Variants in CSNK1G1 observed in about 807,000 individuals in gnomAD.
CSNK1G1 encodes the protein casein kinase I isoform gamma-1.
A neutral mutation model predicts 59.6 loss-of-function variants in CSNK1G1; 22 were observed. That is an observed-to-expected ratio of 0.37 (90% CI 0.26 to 0.53). The LOEUF (loss-of-function observed/expected upper bound fraction) is 0.53. Among genes scored for constraint, CSNK1G1 ranks in the 20% least tolerant of loss-of-function variants. CSNK1G1 has a pLI of 0.89. For missense variants in CSNK1G1, 384 were observed against 519.5 expected, an observed-to-expected ratio of 0.74 and a Z score of 2.54; for synonymous variants, 179 against 177.1, an observed-to-expected ratio of 1.01 and a Z score of -0.08.
At chr15:64,235,082 C>G (rs1487393839) in intron 4 of CSNK1G1, among the ~76,000 whole-genome samples, 3 of 152,076 alleles carry the variant, frequency 2.0e-5, no homozygotes, top group African/African-American at 4.8e-5. Flanking sequence ...AAAAAAGTGT[C>G]AGAGACAAGA....
At chr15:64,347,618 A>C (rs1314174359) in intron 1 of CSNK1G1, among the ~76,000 whole-genome samples, 1 of 150,726 alleles carries the variant, frequency 6.6e-6, no homozygotes, top group East Asian at 1.9e-4. Flanking sequence ...CAAGGAAAGA[A>C]GGAAGGAAGG....
chr15:64,212,645 G>C (rs2082262675), intron 6 of CSNK1G1, among the ~76,000 whole-genome samples: 1 of 152,184 alleles, frequency 6.6e-6, no homozygotes, highest in African/African-American at 2.4e-5. Context: ...GGTGACTGAG[G>C]TTATAGTGAG....
intron 4 of CSNK1G1, among the ~76,000 whole-genome samples, chr15:64,235,379 C>A (rs933780659): frequency 2.0e-5 from 3 of 152,120 alleles, no homozygotes; most frequent in Non-Finnish European, 1.5e-5. Flanking sequence ...ACTGGAAAAG[C>A]ACCCAAACAT....
chr15:64,286,772 T>C (rs1252290914), intron 2 of CSNK1G1, among the ~76,000 whole-genome samples: 1 of 152,156 alleles, frequency 6.6e-6, no homozygotes, highest in Non-Finnish European at 1.5e-5. Context: ...TATAACATCC[T>C]CCACTTTGAT....
chr15:64,190,922 T>C (rs146676640), intron 10 of CSNK1G1, among the ~76,000 whole-genome samples: 1,887 of 152,330 alleles, frequency 0.012, 28 homozygotes, highest in African/African-American at 0.044. Context: ...TAAACTATTA[T>C]ACAGTACTGT....
At chr15:64,260,358 G>A (rs554416588) in intron 2 of CSNK1G1, among the ~76,000 whole-genome samples, 1 of 151,798 alleles carries the variant, frequency 6.6e-6, no homozygotes, top group African/African-American at 2.4e-5. Flanking sequence ...GTAATACATA[G>A]CGGAATATAT....
intron 1 of CSNK1G1, among the ~76,000 whole-genome samples, chr15:64,324,277 G>T (rs1896723774): frequency 6.6e-6 from 1 of 152,128 alleles, no homozygotes; most frequent in South Asian, 2.1e-4. Context: ...AATGTTCCTG[G>T]GTGTTTCTGT....
At chr15:64,318,588 C>G (rs563935199) in intron 1 of CSNK1G1, among the ~76,000 whole-genome samples, 137 of 151,066 alleles carry the variant, frequency 9.1e-4, no homozygotes, top group Non-Finnish European at 1.3e-3. Context: ...ACTCTGTTGC[C>G]CAGGCTGGAG....
At chr15:64,305,942 TAAAG>T (rs940461058) in intron 1 of CSNK1G1, among the ~76,000 whole-genome samples, 1 of 151,912 alleles carries the variant, frequency 6.6e-6, no homozygotes, top group African/African-American at 2.4e-5. Flanking sequence ...TATTTGCAAA[TAAAG>T]AAAAATAATC....
chr15:64,202,786 C>T (rs975918219), intron 10 of CSNK1G1, among the ~76,000 whole-genome samples: 1 of 152,088 alleles, frequency 6.6e-6, no homozygotes, highest in Non-Finnish European at 1.5e-5. Context: ...ACTCCTGGCT[C>T]AAGTGATCTA....
intron 2 of CSNK1G1, among the ~76,000 whole-genome samples, chr15:64,274,190 T>C (rs1481580740): frequency 3.3e-5 from 5 of 152,224 alleles, no homozygotes; most frequent in African/African-American, 7.2e-5. Context: ...ATAAGTCTCC[T>C]GAGCTAAGCA....
intron 1 of CSNK1G1, among the ~76,000 whole-genome samples, chr15:64,323,570 G>T (rs1896681501): frequency 6.6e-6 from 1 of 151,876 alleles, no homozygotes; most frequent in Admixed American, 6.6e-5. Flanking sequence ...TCTCCATGTT[G>T]GTCAGGCTGG....
At chr15:64,354,058 C>A (rs1898491456) in intron 1 of CSNK1G1, among the ~76,000 whole-genome samples, 1 of 152,150 alleles carries the variant, frequency 6.6e-6, no homozygotes, top group African/African-American at 2.4e-5. Context: ...GTAATCCCAG[C>A]ACTTTGGGAG....
At chr15:64,308,061 T>C (rs573594356) in intron 1 of CSNK1G1, among the ~76,000 whole-genome samples, 3 of 152,234 alleles carry the variant, frequency 2.0e-5, no homozygotes, top group South Asian at 4.1e-4. Context: ...CAGAAAACAC[T>C]GTCCACTTAA....
At chr15:64,345,638 C>A (rs1897912987) in intron 1 of CSNK1G1, among the ~76,000 whole-genome samples, 1 of 152,122 alleles carries the variant, frequency 6.6e-6, no homozygotes, top group African/African-American at 2.4e-5. Flanking sequence ...AACCTAAAAT[C>A]AATCTTCTTG....
chr15:64,295,146 G>A (rs1894952495), intron 2 of CSNK1G1, among the ~76,000 whole-genome samples: 1 of 152,042 alleles, frequency 6.6e-6, no homozygotes, highest in Non-Finnish European at 1.5e-5. Flanking sequence ...GTGTCACCCA[G>A]TCCTCAAATA....
At chr15:64,233,188 T>C (rs1352123942) in intron 4 of CSNK1G1, among the ~76,000 whole-genome samples, 3 of 152,220 alleles carry the variant, frequency 2.0e-5, no homozygotes, top group Non-Finnish European at 4.4e-5. Context: ...AATGATGCGC[T>C]GAAAAGGTGT....
At position 64,188,452 on chromosome 15, in the gene CSNK1G1, T is replaced by C; in HGVS notation, c.1108-7998A>G. ...GTATTGGTCTGCCGGCTGGGCTGAA[T>C]TTCCCACTCTCCTCGGCGCTCTGAT... is the stretch of plus-strand genomic sequence containing the variant. On this transcript the variant is annotated intron_variant, in intron 10 of 11. Transcript: ENST00000303052. This position sits in a 1 kb window ranked among gnomAD's most constrained non-coding sequence, Gnocchi z 4.2. 1.3e-6 allele frequency: 2 copies of C among 1,536,106 alleles called. No individual in the cohort carries two copies. Among genetic ancestry groups the C allele is most frequent in the Non-Finnish European group, 1.7e-6 (2 of 1,146,906 alleles).
At chr15:64,327,258 A>G (rs1371190379) in intron 1 of CSNK1G1, among the ~76,000 whole-genome samples, 1 of 151,910 alleles carries the variant, frequency 6.6e-6, no homozygotes, top group East Asian at 1.9e-4. Flanking sequence ...TAACCTCTGC[A>G]GACTTAAATG....
Sources: allele counts gnomAD v4.1 joint callset (sites outside exome capture counted in the v4.1 genomes callset), GRCh38; gene constraint gnomAD v4.1.1; non-coding constraint Gnocchi (gnomAD v3.1); transcripts MANE v1.5; gene names NCBI Gene and HGNC (gene_info 2026-07-23, HGNC 2026-07-21).